Variants in PDZD8 observed in about 807,000 individuals in gnomAD.
PDZD8 encodes the protein PDZ domain-containing protein 8.
Under a neutral mutation model 85.8 loss-of-function variants are expected in PDZD8, and 14 were observed. The observed-to-expected ratio is 0.16, with a 90% CI of 0.11 to 0.26. The LOEUF (loss-of-function observed/expected upper bound fraction) is 0.26. PDZD8 is among the 10% of genes least tolerant of loss of function. The pLI, the probability that PDZD8 is intolerant of heterozygous loss-of-function variation, is 1.00. For missense variants in PDZD8, 1,197 were observed against 1,424.3 expected, an observed-to-expected ratio of 0.84 and a Z score of 2.57; for synonymous variants, 592 against 568.6, an observed-to-expected ratio of 1.04 and a Z score of -0.59.
At chr10:117,302,712 G>A (rs553766082) in intron 3 of PDZD8, among the ~76,000 whole-genome samples, 3 of 152,244 alleles carry the variant, frequency 2.0e-5, no homozygotes, top group East Asian at 3.9e-4. Context: ...GTTGTGGGAG[G>A]GACCCAGGGG....
intron 2 of PDZD8, among the ~76,000 whole-genome samples, chr10:117,334,908 T>A (rs1844491191): frequency 1.3e-5 from 2 of 149,094 alleles, no homozygotes; most frequent in African/African-American, 2.5e-5. Context: ...TATGGGAAAA[T>A]GAAACAGCCC....
intron 1 of PDZD8, among the ~76,000 whole-genome samples, chr10:117,372,569 G>T (rs1024708111): frequency 2.6e-5 from 4 of 152,140 alleles, no homozygotes; most frequent in Non-Finnish European, 5.9e-5. Context: ...TTTTTCTCAT[G>T]ACTTTTTTGG....
rs898880938 is a variant in PDZD8 at position 117,284,123 on chromosome 10, C to T, written c.2610G>A (p.Met870Ile). 6 of 1,614,022 alleles carry T rather than the reference C, an allele frequency of 3.7e-6. No homozygotes were observed. The highest frequency in any genetic ancestry group is 5.1e-6 in the Non-Finnish European group (6 of 1,180,040). ...KVWTKAASQC[M>I]FCAYVCHKKC... ...TTTTATGGCAAACATAAGCACAAAA[C>T]ATACACTGGGAAGCTGCTTTAGTCC... The change falls in exon 5 of 5, where the codon ATG (methionine) becomes ATA (isoleucine). Residue 870 changes from methionine to isoleucine, a missense_variant. Physicochemically the swap from Met to Ile is conservative, Grantham distance 10 (BLOSUM62 1). This residue lies in a region of PDZD8 where 418 missense variants were observed against 571.1 expected (regional missense o/e 0.73). Coordinates refer to ENST00000334464, the MANE Select transcript of PDZD8 (RefSeq NM_173791.5).
At chr10:117,296,526 T>A (rs1843761388) in intron 3 of PDZD8, among the ~76,000 whole-genome samples, 1 of 152,096 alleles carries the variant, frequency 6.6e-6, no homozygotes, top group African/African-American at 2.4e-5. Context: ...TCCTTAAATA[T>A]AACAGGGTTG....
intron 3 of PDZD8, among the ~76,000 whole-genome samples, chr10:117,314,952 G>A (rs1844098256): frequency 1.3e-5 from 2 of 152,324 alleles, no homozygotes; most frequent in South Asian, 2.1e-4. Flanking sequence ...AGTAGGGTTA[G>A]CATCAGAAAA....
chr10:117,319,656 G>T (rs1844195214), intron 2 of PDZD8, among the ~76,000 whole-genome samples: 1 of 151,976 alleles, frequency 6.6e-6, no homozygotes. Context: ...AAGGAATACT[G>T]GCATCATGTA....
intron 1 of PDZD8, among the ~76,000 whole-genome samples, chr10:117,347,482 C>T (rs1303716549): frequency 6.6e-6 from 1 of 152,140 alleles, no homozygotes; most frequent in Non-Finnish European, 1.5e-5. Context: ...TGATTGAAGT[C>T]TCATGTCTCC....
At chr10:117,322,852 A>G (rs1844249504) in intron 2 of PDZD8, among the ~76,000 whole-genome samples, 1 of 152,180 alleles carries the variant, frequency 6.6e-6, no homozygotes, top group Non-Finnish European at 1.5e-5. Flanking sequence ...GTTGTCCAGC[A>G]GCCACAAGAA....
rs543027003 is a variant in PDZD8 at position 117,321,626 on chromosome 10, A to T, written c.996-2652T>A. ...GTTACTTGTATATTTTAAATGGGTG[A>T]ATTGCATGGTATATTAATTATATCT... is the stretch of plus-strand genomic sequence containing the variant. On this transcript the variant is annotated intron_variant, in intron 2 of 4. Transcript: ENST00000334464. Among the ~76,000 whole-genome samples, 5 of 152,256 alleles carry T rather than the reference A, an allele frequency of 3.3e-5. No homozygotes were observed. The South Asian group carries it at 1.0e-3, about 32-fold the overall frequency.
rs370805697 is a variant in PDZD8, at chr10:117,284,044, G to C, written c.2689C>G (p.Arg897Gly). The change falls in exon 5 of 5, where the codon CGA (arginine) becomes GGA (glycine). Residue 897 changes from arginine (R) to glycine (G), a missense_variant. Coordinates refer to ENST00000334464, the MANE Select transcript of PDZD8 (RefSeq NM_173791.5). ...AGGTTTTTCAGTGTCCTGTCTATTC[G>C]CCTATCAGTTGCTCCACAAACAGAA... ...ETSVCGATDR[R>G]IDRTLKNLRL... 12 of 1,613,950 alleles carry C rather than the reference G, an allele frequency of 7.4e-6. No individual in the cohort carries two copies. Among genetic ancestry groups the C allele is most frequent in the Non-Finnish European group, 9.3e-6 (11 of 1,180,038 alleles).
At chr10:117,354,111 TC>T (rs1844852461) in intron 1 of PDZD8, among the ~76,000 whole-genome samples, 1 of 152,310 alleles carries the variant, frequency 6.6e-6, no homozygotes, top group East Asian at 1.9e-4. Context: ...TTCCCTCCAT[TC>T]ATTTACTGTT....
At chr10:117,303,679 G>C (rs1843886039) in intron 3 of PDZD8, among the ~76,000 whole-genome samples, 1 of 152,356 alleles carries the variant, frequency 6.6e-6, no homozygotes, top group African/African-American at 2.4e-5. Flanking sequence ...TGGGCCCAGG[G>C]TCCCTGTGCT....
In PDZD8 at chr10:117,283,977, C is replaced by A. The variant is rs764948221; in HGVS notation, c.2756G>T (p.Arg919Leu). The change falls in exon 5 of 5, where the codon CGT becomes CTT. Residue 919 changes from arginine (R) to leucine (L), a missense_variant. By Grantham distance (102) the Arg-to-Leu change is moderately radical (BLOSUM62 -2). This residue lies in a region of PDZD8 where 418 missense variants were observed against 571.1 expected (regional missense o/e 0.73). Coordinates refer to ENST00000334464, the MANE Select transcript of PDZD8 (RefSeq NM_173791.5). ...GQETLLGLPPRVDAEASKSVN... is the reference protein window; with the variant it reads ...GQETLLGLPPLVDAEASKSVN... ...TGACTTGCTAGCTTCAGCATCAACA[C>A]GAGGAGGCAGGCCTAAGAGGGTTTC... 6.2e-7 allele frequency: 1 copy of A among 1,614,216 alleles called. No homozygotes were observed.
intron 1 of PDZD8, among the ~76,000 whole-genome samples, chr10:117,346,232 CAAA>C (rs59338641): frequency 6.3e-5 from 4 of 63,658 alleles, no homozygotes; most frequent in African/African-American, 2.0e-4. Context: ...AAACTCCGTC[CAAA>C]AAAAAAAAAA....
chr10:117,291,315 G>A (rs1000519157), intron 3 of PDZD8, among the ~76,000 whole-genome samples: 1 of 151,894 alleles, frequency 6.6e-6, no homozygotes. Flanking sequence ...CGGATCAGGA[G>A]GTCAGGAGAT....
chr10:117,374,483 G>A lies in PDZD8; in HGVS notation c.745C>T (p.Pro249Ser), dbSNP rs745640765. Residue 249 changes from proline to serine, a missense_variant, in exon 1 of 5, where the codon CCG (proline) becomes TCG (serine). Transcript: ENST00000334464. This position sits in a 1 kb window ranked among gnomAD's most constrained non-coding sequence, Gnocchi z 7.8. ...GAGCGCACCTCGAAGTCGATCAGCGGGTCTTCCACGAAGGAGAAGAACCAG... is the reference window on the plus strand; with the variant it reads ...GAGCGCACCTCGAAGTCGATCAGCGAGTCTTCCACGAAGGAGAAGAACCAG... ...THWFFSFVED[P>S]LIDFEVRSQF... 1.2e-6 allele frequency: 2 copies of A among 1,613,942 alleles called. No individual in the cohort carries two copies. The highest frequency in any genetic ancestry group is 1.7e-6 in the Non-Finnish European group (2 of 1,179,910).
At position 117,369,888 on chromosome 10, in the gene PDZD8, C is replaced by T. The variant is rs966210916; in HGVS notation, c.872+4468G>A. ...AACAGTGCAGGCCAAATTAAAAGTA[C>T]CTGCAAACTGAATCTGCTTGTCTAT... On this transcript the variant is annotated intron_variant, in intron 1 of 4. Transcript: ENST00000334464. Among the ~76,000 whole-genome samples, 11 of 152,116 alleles carry T rather than the reference C, an allele frequency of 7.2e-5. No homozygotes were observed. In the South Asian group the frequency reaches 1.5e-3, roughly 20 times the overall value.
At chr10:117,295,105 C>T (rs182012564) in intron 3 of PDZD8, among the ~76,000 whole-genome samples, 1 of 151,920 alleles carries the variant, frequency 6.6e-6, no homozygotes, top group African/African-American at 2.4e-5. Context: ...ATGACTGCAC[C>T]ACTACAGTCC....
At chr10:117,316,809 T>A (rs1262942471) in intron 3 of PDZD8, among the ~76,000 whole-genome samples, 1 of 152,162 alleles carries the variant, frequency 6.6e-6, no homozygotes, top group Non-Finnish European at 1.5e-5. Flanking sequence ...GGCAGAAAAA[T>A]TAAAATGGCT....
Sources: allele counts gnomAD v4.1 joint callset (sites outside exome capture counted in the v4.1 genomes callset), GRCh38; gene constraint gnomAD v4.1.1; regional missense constraint gnomAD v4.1.1; non-coding constraint Gnocchi (gnomAD v3.1); transcripts MANE v1.5; gene names NCBI Gene and HGNC (gene_info 2026-07-23, HGNC 2026-07-21).